FRMD4B: variants seen among roughly 807,000 people sequenced by gnomAD.
FRMD4B encodes FERM domain-containing protein 4B.
In FRMD4B, 74 loss-of-function variants were observed where a neutral mutation model predicts 141.5. That is an observed-to-expected ratio of 0.52 (90% confidence interval 0.43 to 0.63). The LOEUF is 0.63. FRMD4B is among the 30% of genes least tolerant of loss of function. The pLI is 0.00. For missense variants in FRMD4B, 1,366 were observed against 1,253.4 expected, an observed-to-expected ratio of 1.09 and a Z score of -1.36; for synonymous variants, 506 against 467.9, an observed-to-expected ratio of 1.08 and a Z score of -1.05.
intron 2 of FRMD4B, among the ~76,000 whole-genome samples, chr3:69,413,148 A>G (rs1010683192): frequency 2.6e-5 from 4 of 152,154 alleles, no homozygotes; most frequent in African/African-American, 4.8e-5. Context: ...GAACGACGGG[A>G]TTAAAGATGC....
chr3:69,188,939 C>T (rs1251252001), intron 18 of FRMD4B, among the ~76,000 whole-genome samples: 2 of 151,510 alleles, frequency 1.3e-5, no homozygotes, highest in Admixed American at 6.6e-5. Flanking sequence ...ATGTATTGAA[C>T]GGCTGGGCTC....
intron 10 of FRMD4B, 91 bp from the exon 11 acceptor site, chr3:69,216,440 T>A: frequency 1.5e-6 from 1 of 677,552 alleles, no homozygotes; most frequent in Non-Finnish European, 2.6e-6. Context: ...TTTTTTTTTT[T>A]TTTTTTTTTT....
intron 5 of FRMD4B, among the ~76,000 whole-genome samples, chr3:69,271,847 C>T (rs558378474): frequency 1.2e-4 from 19 of 152,084 alleles, no homozygotes; most frequent in East Asian, 3.9e-4. Flanking sequence ...TGGTGGCGGA[C>T]GCCTATAATC....
intron 2 of FRMD4B, among the ~76,000 whole-genome samples, chr3:69,413,933 G>A (rs921010013): frequency 6.6e-6 from 1 of 152,146 alleles, no homozygotes; most frequent in African/African-American, 2.4e-5. Flanking sequence ...TTACATTAAT[G>A]TCATTCCATG....
At chr3:69,426,153 A>G (rs1705074132) in intron 2 of FRMD4B, among the ~76,000 whole-genome samples, 1 of 152,242 alleles carries the variant, frequency 6.6e-6, no homozygotes, top group Admixed American at 6.5e-5. Context: ...AAACAACAGA[A>G]TGGGCTAAGT....
intron 2 of FRMD4B, among the ~76,000 whole-genome samples, chr3:69,401,629 A>G (rs1418130513): frequency 1.3e-5 from 2 of 152,154 alleles, no homozygotes; most frequent in East Asian, 3.9e-4. Context: ...TGTTCACTAC[A>G]GCTTTGACGT....
At chr3:69,486,673 A>C (rs1053396008) in intron 1 of FRMD4B, among the ~76,000 whole-genome samples, 7 of 152,208 alleles carry the variant, frequency 4.6e-5, no homozygotes, top group Non-Finnish European at 8.8e-5. Flanking sequence ...AGTGGCAGAC[A>C]TACTACATGG....
intron 1 of FRMD4B, among the ~76,000 whole-genome samples, chr3:69,528,656 G>A (rs182142443): frequency 7.9e-5 from 12 of 152,168 alleles, no homozygotes; most frequent in African/African-American, 2.2e-4. Context: ...GTGAGCCACC[G>A]CACCCAGCCT....
chr3:69,443,836 C>T (rs1705373149), intron 1 of FRMD4B, among the ~76,000 whole-genome samples: 1 of 152,216 alleles, frequency 6.6e-6, no homozygotes, highest in Admixed American at 6.5e-5. Context: ...GTTAGGATTA[C>T]AAGAGGGCCT....
At chr3:69,341,814 G>A (rs77909897) in intron 1 of FRMD4B, among the ~76,000 whole-genome samples, 3,657 of 152,268 alleles carry the variant, frequency 0.024, 129 homozygotes, top group African/African-American at 0.082. Context: ...GCCATGAGAG[G>A]ATATAGCAAG....
chr3:69,459,270 CTCTG>C (rs561322733), intron 1 of FRMD4B, among the ~76,000 whole-genome samples: 92 of 152,294 alleles, frequency 6.0e-4, no homozygotes, highest in Non-Finnish European at 1.1e-3. Context: ...ATTTAATGAG[CTCTG>C]TCTAATTATT....
At chr3:69,331,712 A>C (rs948488703) in intron 1 of FRMD4B, among the ~76,000 whole-genome samples, 9 of 152,130 alleles carry the variant, frequency 5.9e-5, no homozygotes, top group Middle Eastern at 3.2e-3. Flanking sequence ...ATGAGATAAG[A>C]TGTATAAAAT....
chr3:69,364,897 T>C (rs1466836028), intron 1 of FRMD4B, among the ~76,000 whole-genome samples: 2 of 151,996 alleles, frequency 1.3e-5, no homozygotes, highest in Non-Finnish European at 2.9e-5. Context: ...AAGGCCTTGG[T>C]GATTCCTTCT....
At chr3:69,265,300 ATATATATATATATATG>A (rs2093555460) in intron 5 of FRMD4B, among the ~76,000 whole-genome samples, 2 of 121,140 alleles carry the variant, frequency 1.7e-5, no homozygotes, top group African/African-American at 6.3e-5. Context: ...ATATATATAT[ATATATATATATATATG>A]CAGATATGAA....
At position 69,249,337 on chromosome 3, in the gene FRMD4B, G is replaced by A. The variant is rs568277131; in HGVS notation, c.559-89C>T. 3.4e-5 allele frequency: 29 copies of A among 851,906 alleles called. No individual in the cohort carries two copies. The African/African-American group carries it at 4.3e-4, about 13-fold the overall frequency. The allele number at this position is 851,906 out of a possible 1,614,324, so 52.8% of individuals were successfully genotyped here. ...ATCTTGATTACTTTCCCCTCTTAAA[G>A]TTCCTGAGTTTTGTTTTGAAGAGTG... On this transcript the variant is annotated intron_variant, in intron 6 of 22. Transcript: ENST00000398540.
chr3:69,195,378 G>A lies in FRMD4B; in HGVS notation c.1235-14C>T, dbSNP rs1305284462. On this transcript the variant is annotated splice_polypyrimidine_tract_variant and intron_variant, in intron 14 of 22. Coordinates refer to ENST00000398540, the MANE Select transcript of FRMD4B (RefSeq NM_015123.3). Reference sequence around the variant, plus strand: ...AGTCTTGAGAACCTAGGGGATGAGGGAAGGGCAGGGAAGGTTTATACAAGG... The same window carrying A: ...AGTCTTGAGAACCTAGGGGATGAGGAAAGGGCAGGGAAGGTTTATACAAGG... 2.5e-6 allele frequency: 4 copies of A among 1,595,000 alleles called. No homozygotes were observed. Among genetic ancestry groups the A allele is most frequent in the Non-Finnish European group, 3.4e-6 (4 of 1,173,530 alleles).
intron 2 of FRMD4B, among the ~76,000 whole-genome samples, chr3:69,422,309 C>T (rs1264093271): frequency 1.3e-5 from 2 of 150,504 alleles, no homozygotes; most frequent in African/African-American, 4.9e-5. Flanking sequence ...AGGAAAATTG[C>T]TTGAACCCGG....
intron 21 of FRMD4B, among the ~76,000 whole-genome samples, chr3:69,178,160 C>T (rs1484009945): frequency 6.6e-6 from 1 of 152,186 alleles, no homozygotes; most frequent in African/African-American, 2.4e-5. Flanking sequence ...ACTCAAAAAC[C>T]AGCACTGCCC....
intron 1 of FRMD4B, among the ~76,000 whole-genome samples, chr3:69,349,541 A>G (rs1368083176): frequency 1.3e-5 from 2 of 152,114 alleles, no homozygotes; most frequent in Non-Finnish European, 2.9e-5. Context: ...AAAGAACGAA[A>G]CTGGAGGCAT....
Sources: allele counts gnomAD v4.1 joint callset (sites outside exome capture counted in the v4.1 genomes callset), GRCh38; gene constraint gnomAD v4.1.1; transcripts MANE v1.5; gene names NCBI Gene and HGNC (gene_info 2026-07-23, HGNC 2026-07-21).